Variants in FARP1 observed in about 807,000 individuals in gnomAD.
FARP1 encodes the protein FERM, ARHGEF and pleckstrin domain-containing protein 1.
In FARP1, 52 loss-of-function variants were observed where a neutral mutation model predicts 128.8. The observed-to-expected ratio is 0.40, with a 90% CI of 0.32 to 0.51. The LOEUF is 0.51. FARP1 is among the 20% of genes least tolerant of loss of function. The pLI, the probability that FARP1 is intolerant of heterozygous loss-of-function variation, is 0.45. For synonymous variants in FARP1, 580 were observed against 551.8 expected, an observed-to-expected ratio of 1.05 and a Z score of -0.72; for missense variants, 1,333 against 1,367.9, an observed-to-expected ratio of 0.97 and a Z score of 0.40.
At chr13:98,180,908 G>A (rs958420244) in intron 1 of FARP1, among the ~76,000 whole-genome samples, 1 of 152,104 alleles carries the variant, frequency 6.6e-6, no homozygotes, top group African/African-American at 2.4e-5. Context: ...ATGATCAATT[G>A]TATGAGTCTA....
At chr13:98,211,460 C>T (rs1257009730) in intron 1 of FARP1, among the ~76,000 whole-genome samples, 4 of 152,248 alleles carry the variant, frequency 2.6e-5, no homozygotes, top group Admixed American at 1.3e-4. Flanking sequence ...TGTGGAAAAA[C>T]TGTCTTCCAC....
At chr13:98,187,014 AAAAAG>A (rs1878924157) in intron 1 of FARP1, among the ~76,000 whole-genome samples, 1 of 150,730 alleles carries the variant, frequency 6.6e-6, no homozygotes, top group South Asian at 2.1e-4. Context: ...AAAAAAAAAA[AAAAAG>A]CCATTAACGT....
chr13:98,250,630 A>C (rs568821007), intron 2 of FARP1, among the ~76,000 whole-genome samples: 39 of 152,088 alleles, frequency 2.6e-4, no homozygotes, highest in Non-Finnish European at 4.4e-4. Flanking sequence ...CTGAGGCAGG[A>C]GAATCGCTTG....
At chr13:98,446,028 G>A in intron 24 of FARP1, 70 bp from the exon 25 acceptor site, 1 of 1,045,306 alleles carries the variant, frequency 9.6e-7, no homozygotes, top group Admixed American at 1.8e-5. Flanking sequence ...CTGGTGCAGG[G>A]AGAGCTGCTC....
At position 98,185,736 on chromosome 13, in the gene FARP1, C is replaced by G. The variant is rs183763656; in HGVS notation, c.-23-27484C>G. Among the ~76,000 whole-genome samples, 267 of 151,326 alleles carry G rather than the reference C, an allele frequency of 1.8e-3. 2 individuals are homozygous for G. The highest frequency in any genetic ancestry group is 2.6e-3 in the Non-Finnish European group (179 of 67,940). ...TTTTTGAGATGGAGTCTCTCTCTGT[C>G]GCCCAGGCTGGAATGCAGTGGCACG... On this transcript the variant is annotated intron_variant, in intron 1 of 26. Transcript: ENST00000319562.
intron 13 of FARP1, chr13:98,400,647 C>T (rs1890725033): frequency 6.6e-6 from 1 of 152,150 alleles, no homozygotes; most frequent in Non-Finnish European, 1.5e-5. Flanking sequence ...TGCCTGGGAC[C>T]TTATTCTGAT....
intron 2 of FARP1, among the ~76,000 whole-genome samples, chr13:98,285,842 G>C (rs1323773493): frequency 1.3e-5 from 2 of 152,158 alleles, no homozygotes; most frequent in South Asian, 4.1e-4. Context: ...CTTGACAGGA[G>C]TCAGTATTTG....
chr13:98,265,901 A>G (rs1451495199), intron 2 of FARP1, among the ~76,000 whole-genome samples: 1 of 152,146 alleles, frequency 6.6e-6, no homozygotes, highest in Non-Finnish European at 1.5e-5. Context: ...TGCATGTCAG[A>G]TGGTACGCTG....
At chr13:98,427,375 C>T (rs531565036) in intron 17 of FARP1, among the ~76,000 whole-genome samples, 40 of 152,314 alleles carry the variant, frequency 2.6e-4, no homozygotes, top group Non-Finnish European at 4.6e-4. Context: ...TCTTTTCCCT[C>T]GTTTCACATG....
intron 17 of FARP1, among the ~76,000 whole-genome samples, chr13:98,430,147 G>A (rs554001885): frequency 9.9e-5 from 15 of 151,962 alleles, no homozygotes; most frequent in South Asian, 6.3e-4. Flanking sequence ...CCAGCTGCTC[G>A]AGGCTGAGGC....
At chr13:98,145,599 G>A (rs1875476860) in intron 1 of FARP1, among the ~76,000 whole-genome samples, 1 of 152,156 alleles carries the variant, frequency 6.6e-6, no homozygotes, top group Admixed American at 6.5e-5. Context: ...GGCTGGGCAT[G>A]GTGGCTCACA....
intron 2 of FARP1, among the ~76,000 whole-genome samples, chr13:98,283,533 C>A (rs1288114230): frequency 6.6e-6 from 1 of 152,006 alleles, no homozygotes; most frequent in Non-Finnish European, 1.5e-5. Flanking sequence ...TTCTGGCGTT[C>A]TAAGAAGCTG....
At chr13:98,403,692 C>G (rs3848023) in intron 13 of FARP1, 76,555 of 151,946 alleles carry the variant, frequency 0.5, 20,228 homozygotes, top group Non-Finnish European at 0.59. Flanking sequence ...CATGGCGGAA[C>G]AATGAAGTAC....
In FARP1 at chr13:98,176,926, C is replaced by T. The variant is rs779033803; in HGVS notation, c.-24+33434C>T. 8.1e-6 allele frequency: 13 copies of T among 1,603,680 alleles called. No homozygotes were observed. In the Admixed American group the frequency reaches 2.2e-4, roughly 27 times the overall value. ...AGCGGTGGCCCCCATGTCCTCTGGC[C>T]CCACAGGCTTCGCCGAGCGGGTGGA... On this transcript the variant is annotated intron_variant, in intron 1 of 26. Coordinates refer to ENST00000319562, the MANE Select transcript of FARP1 (RefSeq NM_005766.4). This position sits in a 1 kb window ranked among gnomAD's most constrained non-coding sequence, Gnocchi z 6.2.
intron 19 of FARP1, among the ~76,000 whole-genome samples, chr13:98,438,284 C>T (rs990649065): frequency 9.2e-5 from 14 of 152,198 alleles, no homozygotes; most frequent in African/African-American, 3.4e-4. Flanking sequence ...GGAGAAGCTT[C>T]CTCCAGCCAC....
intron 3 of FARP1, among the ~76,000 whole-genome samples, chr13:98,356,769 G>A (rs1181263406): frequency 6.6e-6 from 1 of 151,722 alleles, no homozygotes; most frequent in African/African-American, 2.4e-5. Flanking sequence ...CTCCTAACTG[G>A]GACTATAGGT....
intron 1 of FARP1, among the ~76,000 whole-genome samples, chr13:98,179,760 G>C (rs1878370396): frequency 1.3e-5 from 2 of 152,204 alleles, no homozygotes; most frequent in Admixed American, 1.3e-4. Flanking sequence ...GGAAGGCTGA[G>C]GCAGGAGAAT....
intron 2 of FARP1, among the ~76,000 whole-genome samples, chr13:98,312,019 T>C (rs922231433): frequency 1.3e-5 from 2 of 151,648 alleles, no homozygotes; most frequent in Non-Finnish European, 1.5e-5. Flanking sequence ...AATTTTTGTA[T>C]TTTTTTAGGT....
chr13:98,367,021 C>T (rs1044771303), intron 4 of FARP1, among the ~76,000 whole-genome samples: 8 of 151,954 alleles, frequency 5.3e-5, no homozygotes, highest in African/African-American at 1.7e-4. Flanking sequence ...ATTATAGTAC[C>T]TTATATTTCA....
Sources: gnomAD v4.1 joint callset for allele counts (sites outside exome capture counted in the v4.1 genomes callset) on GRCh38, gnomAD v4.1.1 for gene constraint, Gnocchi (gnomAD v3.1) non-coding constraint, MANE v1.5 for transcripts, NCBI Gene and HGNC (gene_info 2026-07-23, HGNC 2026-07-21) for gene names.